Variants in KAZN observed in about 807,000 individuals in gnomAD.
KAZN encodes the protein kazrin, periplakin interacting protein.
KAZN carries 40 observed loss-of-function variants against 87.4 expected under a neutral mutation model. The ratio of observed to expected loss-of-function variants is 0.46; its 90% confidence interval spans 0.36 to 0.60. The LOEUF is 0.60. Ranked by LOEUF, KAZN falls within the 20% of genes least tolerant of loss-of-function variation. The probability of loss-of-function intolerance (pLI) is 0.00; values close to 1 mark genes in which losing one functional copy is unlikely to be tolerated. For synonymous variants in KAZN, 466 were observed against 458.3 expected, an observed-to-expected ratio of 1.02 and a Z score of -0.22; for missense variants, 898 against 1,073.9, an observed-to-expected ratio of 0.84 and a Z score of 2.29.
intron 1 of KAZN, among the ~76,000 whole-genome samples, chr1:14,811,099 A>C (rs1646394953): frequency 6.6e-6 from 1 of 152,218 alleles, no homozygotes; most frequent in South Asian, 2.1e-4. Context: ...GCAACATGAG[A>C]AATGTGGTCC....
chr1:13,928,032 T>C (rs1274980599), intron 1 of KAZN, among the ~76,000 whole-genome samples: 1 of 152,180 alleles, frequency 6.6e-6, no homozygotes, highest in Admixed American at 6.5e-5. Flanking sequence ...CTTGGCTCCA[T>C]CCAATTTCAG....
In KAZN at chr1:14,391,947, TTC is replaced by T. The variant is rs201239555; in HGVS notation, c.250-207032_250-207031del. Among the ~76,000 whole-genome samples, 42 of 152,344 alleles carry T rather than the reference TTC, an allele frequency of 2.8e-4. No individual in the cohort carries two copies. The East Asian group carries it at 6.4e-3, about 23-fold the overall frequency. On this transcript the variant is annotated intron_variant, in intron 2 of 16. Coordinates refer to the KAZN transcript ENST00000636203. Reference sequence around the variant, plus strand: ...GGGATGACCGTACTTGCACTCATAATTCTCTGTCTCACTTCTCCAAATCCCCA... The same window carrying T: ...GGGATGACCGTACTTGCACTCATAATTCTGTCTCACTTCTCCAAATCCCCA...
intron 2 of KAZN, among the ~76,000 whole-genome samples, chr1:14,382,669 T>C (rs1284942449): frequency 6.8e-6 from 1 of 147,034 alleles, no homozygotes; most frequent in East Asian, 2.1e-4. Flanking sequence ...TATGGCTGCA[T>C]AGTATTCCAT....
At position 14,093,411 on chromosome 1, in the gene KAZN, A is replaced by G. The variant is rs118097593; in HGVS notation, c.92-87024A>G. 5.2e-4 allele frequency among the ~76,000 whole-genome samples: 79 copies of G among 152,344 alleles called. No individual in the cohort carries two copies. The East Asian group carries it at 0.012, about 22-fold the overall frequency. On this transcript the variant is annotated intron_variant, in intron 1 of 16. Transcript: ENST00000636203. ...TGAGAGCTCTTTAAGGATAGAGACT[A>G]GGCTGTCTCATCTTGGAGACCTCTC...
At chr1:14,171,404 C>A (rs1645951276) in intron 1 of KAZN, among the ~76,000 whole-genome samples, 2 of 152,210 alleles carry the variant, frequency 1.3e-5, no homozygotes, top group African/African-American at 2.4e-5. Context: ...TACATTCCCA[C>A]CAGCAACCTA....
intron 4 of KAZN, among the ~76,000 whole-genome samples, chr1:15,051,204 G>A (rs1473679200): frequency 6.6e-6 from 1 of 152,260 alleles, no homozygotes; most frequent in African/African-American, 2.4e-5. Flanking sequence ...TAGAGGATTC[G>A]GTTTCTGGGC....
intron 2 of KAZN, among the ~76,000 whole-genome samples, chr1:14,383,238 G>T (rs1223872862): frequency 6.6e-6 from 1 of 150,812 alleles, no homozygotes. Context: ...TGAGTAGGTT[G>T]TGAAAATTTT....
intron 2 of KAZN, among the ~76,000 whole-genome samples, chr1:14,433,438 G>T (rs550683656): frequency 6.6e-6 from 1 of 152,260 alleles, no homozygotes; most frequent in Admixed American, 6.5e-5. Context: ...GACTATTTGT[G>T]TTCCTCCAAA....
intron 2 of KAZN, among the ~76,000 whole-genome samples, chr1:14,265,381 C>T (rs150327321): frequency 2.6e-5 from 4 of 152,294 alleles, no homozygotes; most frequent in Non-Finnish European, 5.9e-5. Context: ...TACGCATTAT[C>T]ACAACTCCAA....
intron 2 of KAZN, among the ~76,000 whole-genome samples, chr1:14,556,557 T>C (rs1180567007): frequency 6.6e-6 from 1 of 152,180 alleles, no homozygotes; most frequent in Admixed American, 6.5e-5. Context: ...GCTGCCTCTT[T>C]CCATACTTCC....
intron 1 of KAZN, among the ~76,000 whole-genome samples, chr1:14,780,006 T>C (rs1158132975): frequency 6.6e-6 from 1 of 152,236 alleles, no homozygotes; most frequent in East Asian, 1.9e-4. Flanking sequence ...GCTAAGTGCT[T>C]GACAAGCTTT....
intron 1 of KAZN, among the ~76,000 whole-genome samples, chr1:14,922,438 G>A (rs1415875750): frequency 6.6e-6 from 1 of 152,156 alleles, no homozygotes; most frequent in Non-Finnish European, 1.5e-5. Context: ...TTGGTGTGGT[G>A]TCAGTTTCCT....
chr1:14,367,420 CCTCTT>C (rs1269331792), intron 2 of KAZN, among the ~76,000 whole-genome samples: 5 of 152,114 alleles, frequency 3.3e-5, no homozygotes, highest in Non-Finnish European at 7.4e-5. Flanking sequence ...AGCTGCTTCT[CCTCTT>C]CTCTCTGATG....
exon 2 of KAZN, chr1:14,180,458 A>C (rs1402739003): frequency 1.9e-6 from 3 of 1,550,286 alleles, no homozygotes; most frequent in Non-Finnish European, 2.6e-6. Flanking sequence ...GCACACCCTC[A>C]ATGACCAGAT....
chr1:14,205,833 C>G (rs1213146172), intron 2 of KAZN, among the ~76,000 whole-genome samples: 1 of 134,018 alleles, frequency 7.5e-6, no homozygotes, highest in African/African-American at 2.8e-5. Context: ...TTGCAGTGAG[C>G]CAAGATTGCG....
At chr1:14,082,238 A>G (rs1249469649) in intron 1 of KAZN, among the ~76,000 whole-genome samples, 3 of 152,082 alleles carry the variant, frequency 2.0e-5, no homozygotes, top group South Asian at 2.1e-4. Context: ...CCTTTTATAT[A>G]CTGAGGCTGA....
intron 1 of KAZN, among the ~76,000 whole-genome samples, chr1:14,898,086 C>CT (rs1655456669): frequency 6.6e-6 from 1 of 152,046 alleles, no homozygotes; most frequent in South Asian, 2.1e-4. Flanking sequence ...TAAATGGTAC[C>CT]CGGGGGTGAG....
chr1:14,238,907 G>A (rs1648670018), intron 2 of KAZN, among the ~76,000 whole-genome samples: 1 of 152,192 alleles, frequency 6.6e-6, no homozygotes, highest in Non-Finnish European at 1.5e-5. Flanking sequence ...GTTTTAAATG[G>A]CAAACACGTT....
chr1:14,515,418 A>G (rs1478436361), intron 2 of KAZN, among the ~76,000 whole-genome samples: 1 of 152,216 alleles, frequency 6.6e-6, no homozygotes, highest in Non-Finnish European at 1.5e-5. Flanking sequence ...GGAGCAGGGC[A>G]TGTTCATGAC....
Sources: allele counts gnomAD v4.1 joint callset (sites outside exome capture counted in the v4.1 genomes callset), GRCh38; gene constraint gnomAD v4.1.1; transcripts MANE v1.5; gene names NCBI Gene and HGNC (gene_info 2026-07-23, HGNC 2026-07-21).